The following PREX1 variants were observed in gnomAD, a reference collection of about 807,000 sequenced individuals.
PREX1 encodes the protein phosphatidylinositol-3,4,5-trisphosphate dependent Rac exchange factor 1, also known as phosphatidylinositol 3,4,5-trisphosphate-dependent Rac exchanger 1 protein.
A neutral mutation model predicts 198.3 loss-of-function variants in PREX1; 41 were observed. That is an observed-to-expected ratio of 0.21 (90% confidence interval 0.16 to 0.27). The LOEUF (loss-of-function observed/expected upper bound fraction) is 0.27. PREX1 is among the 10% of genes least tolerant of loss of function. The pLI is 1.00. For missense variants in PREX1, 1,620 were observed against 2,200.7 expected (o/e 0.74, Z 5.28); for synonymous variants, 843 against 887.2 (o/e 0.95, Z 0.89).
chr20:48,679,428 G>C lies in PREX1; in HGVS notation c.1540-19C>G. On this transcript the variant is annotated intron_variant, in intron 12 of 39. Coordinates refer to ENST00000371941, the MANE Select transcript of PREX1 (RefSeq NM_020820.4). ...TCACACCCTGAAAGAAAAAAGGGGA[G>C]GAATTCTGGGATCAGGCCACATCCT... is the stretch of plus-strand genomic sequence containing the variant. 6.2e-7 allele frequency: 1 copy of C among 1,610,644 alleles called. No individual in the cohort carries two copies. The highest frequency in any genetic ancestry group is 8.5e-7 in the Non-Finnish European group (1 of 1,177,402).
At chr20:48,649,196 G>A (rs2067701676) in intron 25 of PREX1, 104 bp downstream of exon 25, 1 of 1,477,200 alleles carries the variant, frequency 6.8e-7, no homozygotes, top group African/African-American at 1.4e-5. Context: ...GTCCAGGACA[G>A]CCCACCCCCC....
chr20:48,688,851 C>G, intron 9 of PREX1, 47 bp from the exon 10 acceptor site: 2 of 1,610,116 alleles, frequency 1.2e-6, no homozygotes, highest in Non-Finnish European at 1.7e-6. Flanking sequence ...AGGCCCAGGG[C>G]AGGGGGGGTA....
chr20:48,658,672 C>A (rs1446371494), intron 16 of PREX1, among the ~76,000 whole-genome samples: 1 of 152,200 alleles, frequency 6.6e-6, no homozygotes, highest in Non-Finnish European at 1.5e-5. Context: ...ACAAACAAGC[C>A]CAGCCCTGCT....
At chr20:48,688,406 T>A (rs1323055947) in intron 10 of PREX1, among the ~76,000 whole-genome samples, 1 of 152,166 alleles carries the variant, frequency 6.6e-6, no homozygotes, top group African/African-American at 2.4e-5. Flanking sequence ...GCTTCAATCA[T>A]ATATTACATG....
intron 25 of PREX1, 63 bp downstream of exon 25, chr20:48,649,237 A>C: frequency 6.4e-7 from 1 of 1,565,118 alleles, no homozygotes. Context: ...CCACAATGTC[A>C]GTAAGGCCAG....
chr20:48,791,641 C>G (rs575231509), intron 1 of PREX1, among the ~76,000 whole-genome samples: 1 of 152,242 alleles, frequency 6.6e-6, no homozygotes, highest in South Asian at 2.1e-4. Flanking sequence ...CCAGAACTCC[C>G]CAGGAAAGAG....
At chr20:48,773,532 G>C (rs1188738758) in intron 1 of PREX1, among the ~76,000 whole-genome samples, 1 of 152,188 alleles carries the variant, frequency 6.6e-6, no homozygotes, top group Non-Finnish European at 1.5e-5. Context: ...CTGAGAAGCA[G>C]ATGAGCTGAG....
intron 1 of PREX1, among the ~76,000 whole-genome samples, chr20:48,763,973 C>T (rs1568855402): frequency 1.3e-5 from 2 of 152,198 alleles, no homozygotes; most frequent in African/African-American, 2.4e-5. Context: ...GTGGCTGACG[C>T]GGCAGCCTCA....
intron 1 of PREX1, among the ~76,000 whole-genome samples, chr20:48,792,872 T>C (rs1449188147): frequency 6.7e-6 from 1 of 149,856 alleles, no homozygotes; most frequent in East Asian, 1.9e-4. Context: ...ATTCCATTTA[T>C]ATCCATTTAT....
intron 4 of PREX1, among the ~76,000 whole-genome samples, chr20:48,727,084 A>T (rs2090013929): frequency 6.6e-6 from 1 of 152,238 alleles, no homozygotes; most frequent in Admixed American, 6.5e-5. Context: ...AGCATGTATG[A>T]GGTCAAATAT....
the PREX1 span, among the ~76,000 whole-genome samples, chr20:48,852,154 T>C: frequency 1.3e-5 from 2 of 152,138 alleles, no homozygotes; most frequent in African/African-American, 4.8e-5. Flanking sequence ...CATTCCTGGA[T>C]GGAGAGTTAA....
At chr20:48,629,720 A>G in intron 36 of PREX1, 99 bp from the exon 37 acceptor site, 1 of 1,334,968 alleles carries the variant, frequency 7.5e-7, no homozygotes, top group Non-Finnish European at 1.0e-6. Context: ...CTTCTAATCC[A>G]GCTGTTCCTG....
intron 39 of PREX1, 23 bp from the exon 40 acceptor site, chr20:48,625,950 T>C: frequency 6.5e-7 from 1 of 1,540,970 alleles, no homozygotes; most frequent in Non-Finnish European, 8.7e-7. Flanking sequence ...GCAAAGAGAA[T>C]GAGGAGAGGC....
chr20:48,835,724 C>G, the PREX1 span, among the ~76,000 whole-genome samples: 1 of 152,160 alleles, frequency 6.6e-6, no homozygotes, highest in Non-Finnish European at 1.5e-5. Flanking sequence ...TATAGTTGAC[C>G]ATAGGACTTT....
chr20:48,749,643 C>T (rs985147972), intron 1 of PREX1, among the ~76,000 whole-genome samples: 1 of 152,178 alleles, frequency 6.6e-6, no homozygotes, highest in Non-Finnish European at 1.5e-5. Context: ...AGACTCAAGC[C>T]TCTTGGGAGG....
intron 1 of PREX1, among the ~76,000 whole-genome samples, chr20:48,796,667 ATG>A (rs1434158627): frequency 6.6e-6 from 1 of 150,948 alleles, no homozygotes; most frequent in Non-Finnish European, 1.5e-5. Flanking sequence ...ATCCAGTTAT[ATG>A]TGTCGTACAT....
chr20:48,847,379 A>C, the PREX1 span, among the ~76,000 whole-genome samples: 7 of 151,266 alleles, frequency 4.6e-5, no homozygotes, highest in Admixed American at 1.3e-4. Flanking sequence ...AAAAAAAAAA[A>C]AAAAACAAAC....
At chr20:48,676,694 C>T (rs2089711848) in intron 13 of PREX1, among the ~76,000 whole-genome samples, 2 of 152,206 alleles carry the variant, frequency 1.3e-5, no homozygotes, top group Non-Finnish European at 2.9e-5. Flanking sequence ...CAGGCAGCCC[C>T]CAACAGAGAC....
the PREX1 span, among the ~76,000 whole-genome samples, chr20:48,862,790 A>AATATATATATATATAT: frequency 1.1e-4 from 11 of 102,540 alleles, no homozygotes; most frequent in African/African-American, 2.2e-4. Flanking sequence ...TAAAAAAAAA[A>AATATATATATATATAT]ATATATATAT....
Sources: gnomAD v4.1 joint callset for allele counts (sites outside exome capture counted in the v4.1 genomes callset) on GRCh38, gnomAD v4.1.1 for gene constraint, MANE v1.5 for transcripts, NCBI Gene and HGNC (gene_info 2026-07-23, HGNC 2026-07-21) for gene names.